Variants in ZFHX3 observed in about 807,000 individuals in gnomAD.
The protein encoded by ZFHX3 is zinc finger homeobox 3.
In ZFHX3, 42 loss-of-function variants were observed where a neutral mutation model predicts 279.1. The observed-to-expected ratio is 0.15, with a 90% CI of 0.12 to 0.19. The LOEUF is 0.19. Among genes scored for constraint, ZFHX3 ranks in the 10% least tolerant of loss-of-function variants. The pLI is 1.00. For synonymous variants in ZFHX3, 2,293 were observed against 1,957.8 expected, an observed-to-expected ratio of 1.17 and a Z score of -4.52; for missense variants, 4,981 against 4,754.0, an observed-to-expected ratio of 1.05 and a Z score of -1.40.
At chr16:73,156,034 C>A (rs903239955) in intron 5 of ZFHX3, among the ~76,000 whole-genome samples, 1 of 151,934 alleles carries the variant, frequency 6.6e-6, no homozygotes, top group African/African-American at 2.4e-5. Context: ...AGATCGAGAT[C>A]ATCCTGGCTA....
At chr16:72,978,881 C>G (rs1962471066) in intron 1 of ZFHX3, among the ~76,000 whole-genome samples, 1 of 152,174 alleles carries the variant, frequency 6.6e-6, no homozygotes, top group African/African-American at 2.4e-5. Flanking sequence ...CTACTATGTG[C>G]CAGGCACTGT....
Position 72,960,084 on chromosome 16 carries a change from T to G in ZFHX3, c.62A>C (p.His21Pro). The change falls in exon 2 of 10, where the codon CAC (histidine) becomes CCC (proline). Residue 21 changes from histidine (H) to proline (P), a missense_variant. Around this residue, in one of 7 missense-constraint regions of ZFHX3, gnomAD observed 1,068 missense variants for 935.2 expected, o/e 1.14. Transcript: ENST00000268489. Reference sequence around the variant, plus strand: ...GCTGTTGAGTTCAGTCCATTGCTGGTGCTGAGGGATACCGCACCCATTGTC... The same window carrying G: ...GCTGTTGAGTTCAGTCCATTGCTGGGGCTGAGGGATACCGCACCCATTGTC... The part of the protein sequence containing the change: ...GKDNGCGIPQ[H>P]QQWTELNSTH... 6.2e-7 allele frequency: 1 copy of G among 1,612,610 alleles called. No homozygotes were observed. Among genetic ancestry groups the G allele is most frequent in the Non-Finnish European group, 8.5e-7 (1 of 1,179,412 alleles).
Position 72,798,070 on chromosome 16 carries a change from A to T in ZFHX3, c.4612T>A (p.Phe1538Ile). 1 of 1,614,166 alleles carries T rather than the reference A, an allele frequency of 6.2e-7. No individual in the cohort carries two copies. The highest frequency in any genetic ancestry group is 8.5e-7 in the Non-Finnish European group (1 of 1,180,020). ...TTGTAAGGGCGAGAAGGGTCTAGGA[A>T]CTTTTCCATAGTAAAATTGGGACCT... ...RKGPNFTMEK[F>I]LDPSRPYKCT... The change falls in exon 9 of 10, where the codon TTC becomes ATC. Residue 1538 changes from phenylalanine (F) to isoleucine (I), a missense_variant. Phe to Ile is a conservative substitution (Grantham distance 21, BLOSUM62 0). Around this residue, in one of 7 missense-constraint regions of ZFHX3, gnomAD observed 1,751 missense variants for 1,770.0 expected, o/e 0.99. Coordinates refer to ENST00000268489, the MANE Select transcript of ZFHX3 (RefSeq NM_006885.4).
At chr16:73,278,452 CAG>C (rs779948494) in intron 4 of ZFHX3, among the ~76,000 whole-genome samples, 10 of 152,164 alleles carry the variant, frequency 6.6e-5, no homozygotes, top group Non-Finnish European at 1.5e-4. Context: ...AGAATGAAGC[CAG>C]GGACCATCAA....
At chr16:73,881,033 C>G (rs927164028) in intron 1 of ZFHX3, among the ~76,000 whole-genome samples, 4 of 152,138 alleles carry the variant, frequency 2.6e-5, no homozygotes, top group African/African-American at 9.7e-5. Flanking sequence ...ATACAAAGTA[C>G]TACATCCGCT....
intron 2 of ZFHX3, among the ~76,000 whole-genome samples, chr16:73,629,657 A>G (rs1449160130): frequency 2.0e-5 from 3 of 152,146 alleles, no homozygotes; most frequent in African/African-American, 4.8e-5. Flanking sequence ...AAAAAAAGAA[A>G]GAAAGAAAGG....
chr16:73,105,723 A>G (rs992682089), intron 7 of ZFHX3, among the ~76,000 whole-genome samples: 4 of 152,202 alleles, frequency 2.6e-5, no homozygotes, highest in Admixed American at 6.5e-5. Context: ...ACTGCACTCC[A>G]GCCTGTGTGA....
At chr16:73,147,691 CAAAAAAA>C (rs56079754) in intron 5 of ZFHX3, among the ~76,000 whole-genome samples, 1 of 40,886 alleles carries the variant, frequency 2.4e-5, no homozygotes, top group African/African-American at 1.1e-4. Flanking sequence ...GACTCCGTCT[CAAAAAAA>C]AAAAAAAAAA....
At chr16:73,476,695 GC>G (rs1370015762) in intron 2 of ZFHX3, among the ~76,000 whole-genome samples, 1 of 152,056 alleles carries the variant, frequency 6.6e-6, no homozygotes, top group African/African-American at 2.4e-5. Context: ...TATTGACATT[GC>G]TTTTTACCAT....
intron 2 of ZFHX3, among the ~76,000 whole-genome samples, chr16:73,581,657 CTCTT>C (rs2051861606): frequency 8.3e-6 from 1 of 120,310 alleles, no homozygotes; most frequent in Admixed American, 8.7e-5. Context: ...CTTCGAATGT[CTCTT>C]TTTTTTTTTT....
chr16:73,161,971 G>A (rs1967246572), intron 5 of ZFHX3, among the ~76,000 whole-genome samples: 1 of 152,174 alleles, frequency 6.6e-6, no homozygotes, highest in Admixed American at 6.5e-5. Context: ...TTTATACTTG[G>A]GAACAGCCCA....
At chr16:73,504,824 G>C (rs571175127) in intron 2 of ZFHX3, 3 of 152,320 alleles carry the variant, frequency 2.0e-5, no homozygotes, top group African/African-American at 7.2e-5. Flanking sequence ...GGGGGGCGGT[G>C]GGGAGTGGAG....
chr16:72,965,298 T>A (rs1467943540), intron 1 of ZFHX3, among the ~76,000 whole-genome samples: 1 of 152,210 alleles, frequency 6.6e-6, no homozygotes. Flanking sequence ...CCAGGACTGC[T>A]CATGCAAAAG....
chr16:73,410,276 C>T (rs796215054), intron 3 of ZFHX3, among the ~76,000 whole-genome samples: 10 of 152,100 alleles, frequency 6.6e-5, no homozygotes, highest in East Asian at 1.9e-4. Context: ...ATTAGCTAGG[C>T]GTGGTAGCAG....
At chr16:73,392,241 A>T (rs2017027645) in intron 3 of ZFHX3, among the ~76,000 whole-genome samples, 1 of 151,646 alleles carries the variant, frequency 6.6e-6, no homozygotes, top group South Asian at 2.1e-4. Context: ...CCAACATGGT[A>T]AAACCCCATC....
In ZFHX3 at chr16:73,729,561, A is replaced by C. The variant is rs372890779; in HGVS notation, c.-1607-49321T>G. On this transcript the variant is annotated intron_variant, in intron 1 of 17. Transcript: ENST00000641206. The stretch of plus-strand genomic sequence containing the variant: ...AACAAAAAACAAACAAACCAAAAAA[A>C]AAAAAAAAAACCTGGGCGATTTCCC... 2.2e-4 allele frequency among the ~76,000 whole-genome samples: 24 copies of C among 107,390 alleles called. No individual in the cohort carries two copies. In the East Asian group the frequency reaches 2.7e-3, roughly 12 times the overall value. 70.5% of individuals were successfully genotyped at this position (107,390 alleles called of 152,430 possible).
intron 5 of ZFHX3, among the ~76,000 whole-genome samples, chr16:73,163,956 T>C (rs1435738742): frequency 1.3e-5 from 2 of 152,112 alleles, no homozygotes; most frequent in African/African-American, 2.4e-5. Context: ...GTAGGCAGGG[T>C]AGTAAATTAC....
At chr16:73,767,823 C>A (rs1164767325) in intron 1 of ZFHX3, among the ~76,000 whole-genome samples, 1 of 152,122 alleles carries the variant, frequency 6.6e-6, no homozygotes, top group African/African-American at 2.4e-5. Context: ...GATAGTAGTA[C>A]CCATTTGTAC....
At chr16:73,002,137 G>A (rs898884115) in intron 1 of ZFHX3, among the ~76,000 whole-genome samples, 4 of 152,124 alleles carry the variant, frequency 2.6e-5, no homozygotes, top group African/African-American at 9.7e-5. Flanking sequence ...AAGCATCTGA[G>A]ACCCACAGCC....
Sources: gnomAD v4.1 joint callset for allele counts (sites outside exome capture counted in the v4.1 genomes callset) on GRCh38, gnomAD v4.1.1 for gene constraint, gnomAD v4.1.1 regional missense constraint, MANE v1.5 for transcripts, NCBI Gene and HGNC (gene_info 2026-07-23, HGNC 2026-07-21) for gene names.